The following HNF4A variants were observed in gnomAD, a reference collection of about 807,000 sequenced individuals.
HNF4A encodes hepatocyte nuclear factor 4 alpha.
HNF4A carries 15 observed loss-of-function variants against 52.4 expected under a neutral mutation model. That is an observed-to-expected ratio of 0.29 (90% confidence interval 0.19 to 0.44). The LOEUF is 0.44. Ranked by LOEUF, HNF4A falls within the 20% of genes least tolerant of loss-of-function variation. The pLI, the probability that HNF4A is intolerant of heterozygous loss-of-function variation, is 1.00. For synonymous variants in HNF4A, 280 were observed against 264.4 expected (o/e 1.06, Z -0.57); for missense variants, 479 against 647.2 (o/e 0.74, Z 2.82).
chr20:44,374,159 G>A (rs1043614738), intron 1 of HNF4A, among the ~76,000 whole-genome samples: 8 of 152,220 alleles, frequency 5.3e-5, no homozygotes, highest in African/African-American at 1.2e-4. Flanking sequence ...AGTCCGCAGC[G>A]TCTATTGTTC....
chr20:44,415,118 C>T (rs1356925893), intron 5 of HNF4A, among the ~76,000 whole-genome samples: 1 of 152,130 alleles, frequency 6.6e-6, no homozygotes, highest in Non-Finnish European at 1.5e-5. Context: ...CTGCCTAATC[C>T]TGGGCAAATG....
intron 7 of HNF4A, among the ~76,000 whole-genome samples, chr20:44,421,476 G>A (rs1426554250): frequency 1.3e-5 from 2 of 152,096 alleles, no homozygotes; most frequent in Admixed American, 6.6e-5. Flanking sequence ...TGAAAAGGCT[G>A]GGTGTGGTGG....
At position 44,431,153 on chromosome 20, in the gene HNF4A, C is replaced by T. The variant is rs572889729; in HGVS notation, c.*1488C>T. The T allele has an allele frequency of 2.0e-5, 3 of 152,236 alleles. No homozygotes were observed. The highest frequency in any genetic ancestry group is 7.2e-5 in the African/African-American group (3 of 41,512). The allele number at this position is 152,236 out of a possible 1,614,324, so 9.4% of individuals were successfully genotyped here. A position where few individuals can be genotyped will look rare whatever the true frequency, so the allele number is the denominator to read the frequency against. On this transcript the variant is annotated 3_prime_UTR_variant, in exon 10 of 10. Coordinates refer to ENST00000316099, the MANE Select transcript of HNF4A (RefSeq NM_000457.6). The stretch of plus-strand genomic sequence containing the variant: ...GCTGAGTCAGGACTTGAACCCAGGT[C>T]TCCCTGGATCAGAACAGGAGCTCTT...
chr20:44,390,736 C>G (rs2063292638), intron 1 of HNF4A: 4 of 692,604 alleles, frequency 5.8e-6, no homozygotes, highest in Non-Finnish European at 1.1e-5. Context: ...AGGAGAGAGA[C>G]ACAGAACCAA....
upstream of HNF4A, among the ~76,000 whole-genome samples, chr20:44,400,146 A>C (rs2063389596): frequency 6.6e-6 from 1 of 152,218 alleles, no homozygotes; most frequent in Admixed American, 6.5e-5. Context: ...CAAAACAAAA[A>C]TGCACAATCC....
intron 1 of HNF4A, among the ~76,000 whole-genome samples, chr20:44,356,611 C>G (rs2062861370): frequency 6.6e-6 from 1 of 152,118 alleles, no homozygotes; most frequent in Admixed American, 6.5e-5. Context: ...TAAGTGAAAA[C>G]GGTACACTGA....
At chr20:44,362,787 T>G (rs73109991) in intron 1 of HNF4A, among the ~76,000 whole-genome samples, 26,356 of 151,786 alleles carry the variant, frequency 0.17, 2,551 homozygotes, top group Middle Eastern at 0.26. Context: ...ATCCAAGGAG[T>G]TTACCACCTT....
chr20:44,363,406 G>A (rs1479051394), intron 1 of HNF4A, among the ~76,000 whole-genome samples: 3 of 152,142 alleles, frequency 2.0e-5, no homozygotes, highest in African/African-American at 7.2e-5. Flanking sequence ...AAACAACAGA[G>A]ATGAGTAAGG....
intron 1 of HNF4A, among the ~76,000 whole-genome samples, chr20:44,357,408 A>G (rs1417424475): frequency 6.6e-6 from 1 of 152,136 alleles, no homozygotes; most frequent in Admixed American, 6.5e-5. Flanking sequence ...ATAGATGCCA[A>G]TGGATGACTT....
chr20:44,415,359 A>G (rs1201876472), intron 5 of HNF4A, among the ~76,000 whole-genome samples: 5 of 152,172 alleles, frequency 3.3e-5, no homozygotes, highest in Non-Finnish European at 5.9e-5. Context: ...CCACCAAAAC[A>G]ATTGAACTGA....
At chr20:44,393,959 C>T (rs2063329792) in intron 1 of HNF4A, among the ~76,000 whole-genome samples, 1 of 152,170 alleles carries the variant, frequency 6.6e-6, no homozygotes, top group Non-Finnish European at 1.5e-5. Context: ...TCAAGTAATC[C>T]TCCCATCTCA....
At chr20:44,408,542 T>C (rs564537709) in intron 3 of HNF4A, among the ~76,000 whole-genome samples, 36 of 152,100 alleles carry the variant, frequency 2.4e-4, no homozygotes, top group Non-Finnish European at 4.6e-4. Context: ...CTGACCAACA[T>C]GGTAAAACCC....
intron 3 of HNF4A, among the ~76,000 whole-genome samples, chr20:44,408,927 A>G (rs953510412): frequency 1.3e-5 from 2 of 151,718 alleles, no homozygotes; most frequent in African/African-American, 4.8e-5. Flanking sequence ...CCCCAGAAGC[A>G]GGAACGTAGG....
At chr20:44,370,248 C>T (rs2146202756) in intron 1 of HNF4A, among the ~76,000 whole-genome samples, 2 of 152,252 alleles carry the variant, frequency 1.3e-5, no homozygotes, top group South Asian at 4.1e-4. Context: ...AGGATGGTCT[C>T]GATCTCCTGA....
intron 3 of HNF4A, among the ~76,000 whole-genome samples, chr20:44,412,328 G>A (rs2063596370): frequency 6.6e-6 from 1 of 152,172 alleles, no homozygotes; most frequent in African/African-American, 2.4e-5. Context: ...GTCATGTTGT[G>A]TTAGACAGGG....
chr20:44,379,816 C>A (rs183435676), intron 1 of HNF4A, among the ~76,000 whole-genome samples: 3 of 150,858 alleles, frequency 2.0e-5, no homozygotes, highest in African/African-American at 7.3e-5. Context: ...TCACTGCAAC[C>A]TCTGCCTCCC....
At chr20:44,416,312 C>T (rs2146426762) in intron 5 of HNF4A, among the ~76,000 whole-genome samples, 1 of 152,322 alleles carries the variant, frequency 6.6e-6, no homozygotes, top group East Asian at 1.9e-4. Flanking sequence ...GACATTGCCC[C>T]AGAAACTAGA....
upstream of HNF4A, among the ~76,000 whole-genome samples, chr20:44,399,766 CATT>C (rs2063385917): frequency 6.6e-6 from 1 of 152,164 alleles, no homozygotes; most frequent in Admixed American, 6.5e-5. Context: ...TCAACTCACT[CATT>C]AATTCTCCCT....
chr20:44,419,147 C>T (rs774041701), intron 6 of HNF4A, among the ~76,000 whole-genome samples: 1 of 152,154 alleles, frequency 6.6e-6, no homozygotes, highest in East Asian at 1.9e-4. Flanking sequence ...AGCCCCAGCC[C>T]GCGTCACCTG....
Sources: allele counts gnomAD v4.1 joint callset (sites outside exome capture counted in the v4.1 genomes callset), GRCh38; gene constraint gnomAD v4.1.1; transcripts MANE v1.5; gene names NCBI Gene and HGNC (gene_info 2026-07-23, HGNC 2026-07-21).